Variants in ITSN1 observed in about 807,000 individuals in gnomAD.
ITSN1 encodes the protein intersectin 1, also known as intersectin-1.
ITSN1 carries 58 observed loss-of-function variants against 239.8 expected under a neutral mutation model. That is an observed-to-expected ratio of 0.24 (90% CI 0.20 to 0.30). ITSN1 has a LOEUF of 0.30. Among genes scored for constraint, ITSN1 ranks in the 10% least tolerant of loss-of-function variants. ITSN1 has a pLI of 1.00. For synonymous variants in ITSN1, 780 were observed against 770.8 expected, an observed-to-expected ratio of 1.01 and a Z score of -0.20; for missense variants, 1,558 against 2,103.3, an observed-to-expected ratio of 0.74 and a Z score of 5.07.
At chr21:33,655,985 G>A (rs915902269) in intron 1 of ITSN1, among the ~76,000 whole-genome samples, 1 of 152,158 alleles carries the variant, frequency 6.6e-6, no homozygotes, top group Non-Finnish European at 1.5e-5. Context: ...GGAAGAAAAA[G>A]GAAGGTTGCT....
chr21:33,738,980 A>G (rs1380023704), intron 5 of ITSN1, among the ~76,000 whole-genome samples: 3 of 152,046 alleles, frequency 2.0e-5, no homozygotes, highest in African/African-American at 4.8e-5. Flanking sequence ...TTTTTTTTAT[A>G]GATAGAGTCT....
At chr21:33,878,031 T>C (rs1318005747) in intron 34 of ITSN1, among the ~76,000 whole-genome samples, 2 of 151,504 alleles carry the variant, frequency 1.3e-5, no homozygotes, top group Admixed American at 6.6e-5. Context: ...TGTGTGTGTG[T>C]GTGTGTGTGT....
intron 20 of ITSN1, among the ~76,000 whole-genome samples, chr21:33,803,119 A>G (rs2072135557): frequency 6.6e-6 from 1 of 152,248 alleles, no homozygotes; most frequent in Non-Finnish European, 1.5e-5. Flanking sequence ...GTTATAAAAC[A>G]AAATAGCATT....
rs1985069875 is a variant in ITSN1, at chr21:33,882,349, T to G, written c.4448T>G (p.Phe1483Cys). The change falls in exon 35 of 40, where the codon TTC becomes TGC. Residue 1483 changes from phenylalanine to cysteine, a missense_variant. Around this residue, in one of 2 missense-constraint regions of ITSN1, gnomAD observed 576 missense variants for 893.3 expected, o/e 0.64. Transcript: ENST00000381318. The surrounding 1 kb of genome is among the most constrained non-coding windows in gnomAD (Gnocchi z 4.5). ...AACAAGGAGCTGTATGGCTTCCTTT[T>G]CAACGACTTCCTCCTGCTGACTCAG... Reference protein sequence around the residue: ...KSNKELYGFLFNDFLLLTQIT... With the variant: ...KSNKELYGFLCNDFLLLTQIT... 1 of 1,614,120 alleles carries G rather than the reference T, an allele frequency of 6.2e-7. No individual in the cohort carries two copies. Among genetic ancestry groups the G allele is most frequent in the African/African-American group, 1.3e-5 (1 of 74,938 alleles).
intron 10 of ITSN1, 50 bp downstream of exon 10, chr21:33,766,062 C>A: frequency 6.3e-7 from 1 of 1,598,208 alleles, no homozygotes; most frequent in Non-Finnish European, 8.6e-7. Flanking sequence ...TATATGAATT[C>A]CAAACTTGGC....
rs543590333 is a variant in ITSN1, at chr21:33,828,634, T to C, written c.3230-990T>C. 3.9e-5 allele frequency among the ~76,000 whole-genome samples: 6 copies of C among 152,278 alleles called. No individual in the cohort carries two copies. The South Asian group carries it at 1.2e-3, about 32-fold the overall frequency. ...TCTTTACTTCATTCCCTCTTTCTTC[T>C]TTTTTTTCTGTCCTTCTTTCCTTCT... On this transcript the variant is annotated intron_variant, in intron 26 of 39. Transcript: ENST00000381318.
intron 7 of ITSN1, among the ~76,000 whole-genome samples, chr21:33,752,812 G>A (rs1482049638): frequency 6.7e-6 from 1 of 148,796 alleles, no homozygotes; most frequent in Non-Finnish European, 1.5e-5. Context: ...CTCTTGCCTG[G>A]GTGAGCCTGC....
In ITSN1 at chr21:33,894,131, G is replaced by A. The variant is rs1986548951; in HGVS notation, c.*5831G>A. 2 of 152,192 alleles carry A rather than the reference G, an allele frequency of 1.3e-5. No homozygotes were observed. Among genetic ancestry groups the A allele is most frequent in the South Asian group, 2.1e-4 (1 of 4,828 alleles). 9.4% of individuals were successfully genotyped at this position (152,192 alleles called of 1,614,324 possible). ...AAGCAAGCCTAATTGGATTAGGTTG[G>A]TGCAAAAGTGATTGCGGTTTTTGCC... On this transcript the variant is annotated 3_prime_UTR_variant, in exon 40 of 40. Coordinates refer to ENST00000381318, the MANE Select transcript of ITSN1 (RefSeq NM_003024.3).
intron 27 of ITSN1, among the ~76,000 whole-genome samples, chr21:33,830,595 G>A (rs2074238743): frequency 6.6e-6 from 1 of 151,998 alleles, no homozygotes; most frequent in Non-Finnish European, 1.5e-5. Context: ...GTCGAAAGGG[G>A]GCTAAAGAGG....
chr21:33,750,847 T>TTAA (rs2067502009), intron 6 of ITSN1, among the ~76,000 whole-genome samples: 2 of 152,230 alleles, frequency 1.3e-5, no homozygotes, highest in African/African-American at 4.8e-5. Flanking sequence ...ACTTTGAGAC[T>TTAA]TTATTAAGTC....
At chr21:33,730,484 C>T (rs1208848777) in intron 4 of ITSN1, among the ~76,000 whole-genome samples, 3 of 145,500 alleles carry the variant, frequency 2.1e-5, no homozygotes, top group Non-Finnish European at 4.5e-5. Context: ...TCACTGCAAC[C>T]TCCATCTCCT....
chr21:33,771,429 AG>A (rs2069151272), intron 11 of ITSN1, among the ~76,000 whole-genome samples: 1 of 152,216 alleles, frequency 6.6e-6, no homozygotes, highest in African/African-American at 2.4e-5. Context: ...GTAAGGGACA[AG>A]GATGATGGGA....
chr21:33,827,937 G>C (rs185279927), intron 26 of ITSN1, among the ~76,000 whole-genome samples: 4 of 152,184 alleles, frequency 2.6e-5, no homozygotes, highest in African/African-American at 9.7e-5. Flanking sequence ...GAAATTTCAC[G>C]TAGTCTAGGA....
intron 5 of ITSN1, among the ~76,000 whole-genome samples, chr21:33,736,133 A>G (rs771200017): frequency 4.6e-5 from 7 of 152,262 alleles, no homozygotes; most frequent in Non-Finnish European, 7.3e-5. Context: ...TGAAGATCAC[A>G]GTAATAAAAT....
intron 5 of ITSN1, chr21:33,735,541 T>C (rs539711375): frequency 3.6e-6 from 1 of 280,782 alleles, no homozygotes; most frequent in Non-Finnish European, 6.8e-6. Flanking sequence ...CTTTTGATTT[T>C]CGGTTTCCAT....
rs743315 is a variant in ITSN1 at position 33,865,539 on chromosome 21, A to G, written c.4074+205A>G. Among the ~76,000 whole-genome samples, 117,634 of 152,246 alleles carry G rather than the reference A, an allele frequency of 0.77. 46,496 individuals carry two copies. The highest frequency in any genetic ancestry group is 0.95 in the East Asian group (4,911 of 5,188). ...GGGTGGGCTTGGAGAGGAGGGGTGA[A>G]CCCTGGGCTTGGAAGCTTTGAAAGT... On this transcript the variant is annotated intron_variant, in intron 32 of 39. Transcript: ENST00000381318. This position sits in a 1 kb window ranked among gnomAD's most constrained non-coding sequence, Gnocchi z 4.4.
chr21:33,655,875 A>C (rs2146197487), intron 1 of ITSN1, among the ~76,000 whole-genome samples: 1 of 152,156 alleles, frequency 6.6e-6, no homozygotes, highest in South Asian at 2.1e-4. Flanking sequence ...CTTAAAAAAA[A>C]CTCAGTGATA....
chr21:33,721,122 C>A, intron 2 of ITSN1, 56 bp from the exon 3 acceptor site: 2 of 1,086,198 alleles, frequency 1.8e-6, no homozygotes, highest in African/African-American at 1.5e-5. Flanking sequence ...TGTGTGAGAG[C>A]ATTTTGTTTT....
At chr21:33,779,692 A>G (rs182767869) in intron 14 of ITSN1, among the ~76,000 whole-genome samples, 39 of 152,268 alleles carry the variant, frequency 2.6e-4, no homozygotes, top group African/African-American at 9.1e-4. Context: ...CTGTTCAATT[A>G]TTGTTTCATG....
Sources: gnomAD v4.1 joint callset for allele counts (sites outside exome capture counted in the v4.1 genomes callset) on GRCh38, gnomAD v4.1.1 for gene constraint, gnomAD v4.1.1 regional missense constraint, Gnocchi (gnomAD v3.1) non-coding constraint, MANE v1.5 for transcripts, NCBI Gene and HGNC (gene_info 2026-07-23, HGNC 2026-07-21) for gene names.